Variants in CAMKMT observed in about 807,000 individuals in gnomAD.
The protein encoded by CAMKMT is CaM KMT.
Under a neutral mutation model 48.0 loss-of-function variants are expected in CAMKMT, and 53 were observed. The ratio of observed to expected loss-of-function variants is 1.10; its 90% CI spans 0.89 to 1.39. The LOEUF (loss-of-function observed/expected upper bound fraction) is 1.39. CAMKMT is among the 40% of genes most tolerant of loss of function. The probability of loss-of-function intolerance (pLI) is 0.00; values close to 1 mark genes in which losing one functional copy is unlikely to be tolerated. For synonymous variants in CAMKMT, 165 were observed against 152.3 expected, an observed-to-expected ratio of 1.08 and a Z score of -0.61; for missense variants, 428 against 402.7, an observed-to-expected ratio of 1.06 and a Z score of -0.54.
chr2:44,615,775 G>A (rs971884467), intron 3 of CAMKMT, among the ~76,000 whole-genome samples: 1 of 151,982 alleles, frequency 6.6e-6, no homozygotes, highest in African/African-American at 2.4e-5. Flanking sequence ...AATAATAGGG[G>A]GACCCATAGA....
intron 3 of CAMKMT, among the ~76,000 whole-genome samples, chr2:44,541,346 A>G (rs1227133125): frequency 1.3e-5 from 2 of 152,178 alleles, no homozygotes; most frequent in East Asian, 3.8e-4. Context: ...ATGTCTTTCC[A>G]TTTGTTCAAG....
At chr2:44,762,848 C>T (rs1003982363) in intron 9 of CAMKMT, among the ~76,000 whole-genome samples, 2 of 152,120 alleles carry the variant, frequency 1.3e-5, no homozygotes, top group Admixed American at 1.3e-4. Flanking sequence ...AATTTCTGCT[C>T]ATCAGTCAAA....
chr2:44,730,834 G>A (rs151202819), intron 7 of CAMKMT, among the ~76,000 whole-genome samples: 1 of 152,330 alleles, frequency 6.6e-6, no homozygotes, highest in East Asian at 1.9e-4. Flanking sequence ...TAGACTTTGA[G>A]AAGTGACATA....
chr2:44,564,256 A>T (rs897115572), intron 3 of CAMKMT, among the ~76,000 whole-genome samples: 4 of 150,530 alleles, frequency 2.7e-5, no homozygotes, highest in Non-Finnish European at 1.5e-5. Flanking sequence ...TTTCACTGTA[A>T]CCTCCGCCTT....
chr2:44,771,465 G>A (rs1681105902), intron 10 of CAMKMT, among the ~76,000 whole-genome samples: 1 of 152,116 alleles, frequency 6.6e-6, no homozygotes, highest in African/African-American at 2.4e-5. Flanking sequence ...AGTATGAACA[G>A]GAATGTTGCT....
chr2:44,408,839 C>A (rs942464825), intron 3 of CAMKMT, among the ~76,000 whole-genome samples: 92 of 151,450 alleles, frequency 6.1e-4, no homozygotes, highest in African/African-American at 2.2e-3. Context: ...CTTTCTGGGC[C>A]CAAGCAATTC....
intron 3 of CAMKMT, among the ~76,000 whole-genome samples, chr2:44,664,875 A>C (rs1038912358): frequency 5.9e-5 from 9 of 152,204 alleles, no homozygotes; most frequent in African/African-American, 1.9e-4. Context: ...TTCAGAATGC[A>C]AGAAACTGGC....
rs1452704904 is a variant in CAMKMT at position 44,588,240 on chromosome 2, G to A, written c.377-116043G>A. Among the ~76,000 whole-genome samples, 7 of 51,602 alleles carry A rather than the reference G, an allele frequency of 1.4e-4. No individual in the cohort carries two copies. The South Asian group carries it at 2.6e-3, about 19-fold the overall frequency. 33.9% of individuals were successfully genotyped at this position (51,602 alleles called of 152,430 possible). A position where few individuals can be genotyped will look rare whatever the true frequency, so the allele number is the denominator to read the frequency against. ...TGAGAAGTGAGGAGCCCCTCCGTCC[G>A]GCAGCCACCCCGTCTGGGAAGTGAG... On this transcript the variant is annotated intron_variant, in intron 3 of 10. Transcript: ENST00000378494.
At chr2:44,689,612 G>A (rs1676531002) in intron 3 of CAMKMT, among the ~76,000 whole-genome samples, 1 of 152,046 alleles carries the variant, frequency 6.6e-6, no homozygotes. Flanking sequence ...TTCCACTGTG[G>A]GAAGGACATG....
intron 8 of CAMKMT, among the ~76,000 whole-genome samples, chr2:44,749,186 A>G (rs2104382875): frequency 6.6e-6 from 1 of 152,280 alleles, no homozygotes; most frequent in African/African-American, 2.4e-5. Context: ...CTTCCATGGA[A>G]CCTGTGATGA....
rs1251842571 is a variant in CAMKMT at position 44,679,554 on chromosome 2, C to A, written c.377-24729C>A. 2.0e-5 allele frequency among the ~76,000 whole-genome samples: 3 copies of A among 152,104 alleles called. No homozygotes were observed. The East Asian group carries it at 5.8e-4, about 29-fold the overall frequency. On this transcript the variant is annotated intron_variant, in intron 3 of 10. Coordinates refer to ENST00000378494, the MANE Select transcript of CAMKMT (RefSeq NM_024766.5). Reference sequence around the variant, plus strand: ...GAAAGAAATGCCATTAATGTTATACCCTTGGCACGGAAGTTCCTATTTAAG... The same window carrying A: ...GAAAGAAATGCCATTAATGTTATACACTTGGCACGGAAGTTCCTATTTAAG...
intron 3 of CAMKMT, among the ~76,000 whole-genome samples, chr2:44,445,443 C>G (rs562104603): frequency 1.3e-5 from 2 of 152,158 alleles, no homozygotes; most frequent in Admixed American, 6.5e-5. Flanking sequence ...ATCCCGAACC[C>G]CTGGGATTCC....
chr2:44,504,925 T>C (rs1439553412), intron 3 of CAMKMT, among the ~76,000 whole-genome samples: 1 of 152,152 alleles, frequency 6.6e-6, no homozygotes, highest in African/African-American at 2.4e-5. Flanking sequence ...CATCTGCTTC[T>C]GGTGATGGCC....
At chr2:44,496,364 G>A (rs1429442837) in intron 3 of CAMKMT, among the ~76,000 whole-genome samples, 1 of 152,132 alleles carries the variant, frequency 6.6e-6, no homozygotes, top group Non-Finnish European at 1.5e-5. Context: ...GAAGGTTAAA[G>A]GTAAACACTC....
chr2:44,441,770 C>T (rs1240610110), intron 3 of CAMKMT, among the ~76,000 whole-genome samples: 2 of 152,146 alleles, frequency 1.3e-5, no homozygotes, highest in Non-Finnish European at 2.9e-5. Context: ...TGGAGCCTTA[C>T]AGCTTTAAAT....
chr2:44,633,024 C>G (rs1672926067), intron 3 of CAMKMT, among the ~76,000 whole-genome samples: 2 of 151,974 alleles, frequency 1.3e-5, no homozygotes, highest in African/African-American at 4.8e-5. Context: ...TCTAGAGAAC[C>G]CTGACTAACA....
intron 3 of CAMKMT, among the ~76,000 whole-genome samples, chr2:44,697,515 G>T (rs1332234648): frequency 6.6e-6 from 1 of 152,064 alleles, no homozygotes; most frequent in Admixed American, 6.6e-5. Flanking sequence ...GAAGTTTGAG[G>T]TTGCCTAAAA....
chr2:44,511,853 A>G (rs184831786), intron 3 of CAMKMT, among the ~76,000 whole-genome samples: 4 of 151,994 alleles, frequency 2.6e-5, no homozygotes, highest in Admixed American at 1.3e-4. Context: ...CTCCTTGACC[A>G]CCCTATTTAA....
intron 3 of CAMKMT, among the ~76,000 whole-genome samples, chr2:44,438,344 A>G (rs573243919): frequency 6.6e-6 from 1 of 152,222 alleles, no homozygotes; most frequent in Non-Finnish European, 1.5e-5. Flanking sequence ...TTAAGTTTGA[A>G]TATAATTGGT....
Sources: allele counts gnomAD v4.1 joint callset (sites outside exome capture counted in the v4.1 genomes callset), GRCh38; gene constraint gnomAD v4.1.1; transcripts MANE v1.5; gene names NCBI Gene and HGNC (gene_info 2026-07-23, HGNC 2026-07-21).